The following CCDC3 variants were observed in gnomAD, a reference collection of about 807,000 sequenced individuals.
CCDC3 encodes coiled-coil domain containing 3.
CCDC3 carries 24 observed loss-of-function variants against 21.4 expected under a neutral mutation model. The ratio of observed to expected loss-of-function variants is 1.12; its 90% CI spans 0.81 to 1.58. The LOEUF is 1.58. CCDC3 is among the 40% of genes most tolerant of loss of function. The pLI, the probability that CCDC3 is intolerant of heterozygous loss-of-function variation, is 0.00. For missense variants in CCDC3, 425 were observed against 360.9 expected (o/e 1.18, Z -1.44); for synonymous variants, 186 against 166.0 (o/e 1.12, Z -0.93).
intron 4 of CCDC3, among the ~76,000 whole-genome samples, chr10:13,073,488 T>C (rs1039240995): frequency 7.9e-5 from 12 of 152,092 alleles, no homozygotes; most frequent in Non-Finnish European, 1.8e-4. Context: ...CCCTTCCATC[T>C]TTCACCGTAT....
intron 2 of CCDC3, among the ~76,000 whole-genome samples, chr10:12,955,463 C>A (rs138675562): frequency 6.6e-6 from 1 of 152,262 alleles, no homozygotes; most frequent in East Asian, 1.9e-4. Context: ...TATTATGGGG[C>A]AAGGTGTTGG....
At chr10:13,042,840 T>C (rs674308) in intron 5 of CCDC3, among the ~76,000 whole-genome samples, 36,070 of 137,746 alleles carry the variant, frequency 0.26, 4,562 homozygotes, top group Middle Eastern at 0.38. Flanking sequence ...ACCTGGGAGG[T>C]GGAGCTTGCA....
chr10:13,045,914 C>A (rs1339451813), intron 5 of CCDC3, among the ~76,000 whole-genome samples: 1 of 151,054 alleles, frequency 6.6e-6, no homozygotes, highest in Non-Finnish European at 1.5e-5. Flanking sequence ...GTTGGTGAAA[C>A]CCCATCTCTA....
chr10:13,024,367 A>G (rs1836188885), intron 5 of CCDC3, among the ~76,000 whole-genome samples: 1 of 152,170 alleles, frequency 6.6e-6, no homozygotes, highest in African/African-American at 2.4e-5. Flanking sequence ...TGGTGTTTGC[A>G]GCCTCTCTCT....
At chr10:13,033,232 C>A (rs956683481) in intron 5 of CCDC3, among the ~76,000 whole-genome samples, 14 of 151,884 alleles carry the variant, frequency 9.2e-5, no homozygotes, top group Non-Finnish European at 1.6e-4. Context: ...CAAAAACAAG[C>A]AATGGGGAAA....
intron 5 of CCDC3, among the ~76,000 whole-genome samples, chr10:13,018,001 C>T (rs1029263024): frequency 2.6e-4 from 40 of 151,934 alleles, no homozygotes; most frequent in African/African-American, 8.9e-4. Flanking sequence ...TGCCAAGTGT[C>T]CCTATATAGG....
At chr10:12,929,781 G>A (rs1370366977) in intron 2 of CCDC3, among the ~76,000 whole-genome samples, 1 of 152,130 alleles carries the variant, frequency 6.6e-6, no homozygotes, top group East Asian at 1.9e-4. Context: ...TTTTAAAAGG[G>A]AGCTATGATG....
intron 2 of CCDC3, among the ~76,000 whole-genome samples, chr10:12,991,791 C>G (rs566753223): frequency 6.6e-6 from 1 of 152,286 alleles, no homozygotes; most frequent in East Asian, 1.9e-4. Flanking sequence ...TACCTGAACT[C>G]TGAACACTAA....
At chr10:12,952,388 C>T (rs760591524) in intron 2 of CCDC3, among the ~76,000 whole-genome samples, 23 of 152,132 alleles carry the variant, frequency 1.5e-4, no homozygotes, top group South Asian at 2.1e-4. Flanking sequence ...ATGTATTGAA[C>T]CCAACAAAGA....
At chr10:12,933,581 C>A (rs950961049) in intron 2 of CCDC3, among the ~76,000 whole-genome samples, 4 of 151,890 alleles carry the variant, frequency 2.6e-5, no homozygotes, top group African/African-American at 4.8e-5. Flanking sequence ...CCTCAGCCAC[C>A]AAAGCAGCTG....
chr10:13,009,683 G>A (rs1225684087), intron 5 of CCDC3, among the ~76,000 whole-genome samples: 2 of 152,142 alleles, frequency 1.3e-5, no homozygotes, highest in African/African-American at 4.8e-5. Flanking sequence ...GAAAAAGAAC[G>A]ACCTTTTGAA....
intron 5 of CCDC3, among the ~76,000 whole-genome samples, chr10:13,048,491 C>T (rs1008632634): frequency 1.3e-5 from 2 of 152,156 alleles, no homozygotes; most frequent in East Asian, 3.8e-4. Flanking sequence ...TGCACCTGGC[C>T]AGGGTCCCAA....
chr10:12,910,504 CGT>C (rs1180545736), intron 2 of CCDC3, among the ~76,000 whole-genome samples: 9 of 149,602 alleles, frequency 6.0e-5, no homozygotes, highest in Admixed American at 2.7e-4. Context: ...CACAATGATA[CGT>C]GTTTCTGCCA....
At chr10:12,937,978 C>T (rs1206680699) in intron 2 of CCDC3, among the ~76,000 whole-genome samples, 1 of 152,160 alleles carries the variant, frequency 6.6e-6, no homozygotes, top group Non-Finnish European at 1.5e-5. Context: ...CATTCTTATG[C>T]CTTCAACCCA....
At chr10:12,973,271 G>A (rs375978769) in intron 2 of CCDC3, among the ~76,000 whole-genome samples, 2 of 152,150 alleles carry the variant, frequency 1.3e-5, no homozygotes, top group African/African-American at 2.4e-5. Context: ...ACAGCATGGT[G>A]CAGGGCCCTG....
At chr10:13,030,046 C>T (rs1836279102) in intron 5 of CCDC3, among the ~76,000 whole-genome samples, 1 of 152,154 alleles carries the variant, frequency 6.6e-6, no homozygotes, top group South Asian at 2.1e-4. Flanking sequence ...TTGTCAGATT[C>T]ACCAAAGCTG....
rs117574073 is a variant in CCDC3, at chr10:13,091,494, C to T, written c.-503+7031G>A. On this transcript the variant is annotated intron_variant, in intron 3 of 6. Transcript: ENST00000378839. The stretch of plus-strand genomic sequence containing the variant: ...GCCTTGATCTTGGACTTCCCAGCCT[C>T]CAGAACTGTGAGAAATCAATTTCTA... Among the ~76,000 whole-genome samples the T allele has an allele frequency of 6.7e-3, 1,016 of 152,250 alleles. 47 individuals carry two copies. The South Asian group carries it at 0.099, about 15-fold the overall frequency.
chr10:12,984,815 T>G (rs1835562101), intron 2 of CCDC3, among the ~76,000 whole-genome samples: 1 of 152,094 alleles, frequency 6.6e-6, no homozygotes, highest in African/African-American at 2.4e-5. Context: ...TACACAATAG[T>G]GTAAGATTTT....
intron 2 of CCDC3, among the ~76,000 whole-genome samples, chr10:12,949,916 C>G (rs1834983130): frequency 6.6e-6 from 1 of 152,086 alleles, no homozygotes; most frequent in African/African-American, 2.4e-5. Context: ...CGTGTAGACC[C>G]AGAGATACAC....
Sources: allele counts gnomAD v4.1 joint callset (sites outside exome capture counted in the v4.1 genomes callset), GRCh38; gene constraint gnomAD v4.1.1; transcripts MANE v1.5; gene names NCBI Gene and HGNC (gene_info 2026-07-23, HGNC 2026-07-21).